The following CALN1 variants were observed in gnomAD, a reference collection of about 807,000 sequenced individuals.
The protein encoded by CALN1 is calneuron 1.
CALN1 carries 17 observed loss-of-function variants against 30.6 expected under a neutral mutation model. That is an observed-to-expected ratio of 0.56 (90% CI 0.38 to 0.83). The LOEUF (loss-of-function observed/expected upper bound fraction) is 0.83. Among genes scored for constraint, CALN1 ranks in the 40% least tolerant of loss-of-function variants. The pLI is 0.00. For missense variants in CALN1, 291 were observed against 354.9 expected (o/e 0.82, Z 1.45); for synonymous variants, 156 against 131.4 (o/e 1.19, Z -1.28).
At chr7:72,449,764 A>G (rs1268093559), upstream of CALN1, among the ~76,000 whole-genome samples, 2 of 151,100 alleles carry the variant, frequency 1.3e-5, no homozygotes, top group East Asian at 3.9e-4. Flanking sequence ...AGTCCCAGCT[A>G]CTCAGGAGGC....
chr7:72,294,260 G>GT (rs1449566068), intron 2 of CALN1, among the ~76,000 whole-genome samples: 3 of 152,106 alleles, frequency 2.0e-5, no homozygotes, highest in Non-Finnish European at 2.9e-5. Context: ...AGGAAATATT[G>GT]TAAGTCAAAT....
chr7:71,784,642 C>T lies in CALN1; in HGVS notation c.*3133G>A, dbSNP rs111848282. The stretch of plus-strand genomic sequence containing the variant: ...TCATCACTTGTGCTTTCCAGGGGGG[C>T]GGCGGGGGGTACCTGCTCTTGCAGC... On this transcript the variant is annotated 3_prime_UTR_variant, in exon 7 of 7. Transcript: ENST00000395275. 6.2e-5 allele frequency: 24 copies of T among 388,410 alleles called. No homozygotes were observed. Among genetic ancestry groups the T allele is most frequent in the African/African-American group, 1.1e-4 (5 of 47,008 alleles). 24.1% of individuals were successfully genotyped at this position (388,410 alleles called of 1,614,324 possible).
chr7:72,377,581 CTTATT>C (rs1804646842), intron 2 of CALN1, among the ~76,000 whole-genome samples: 1 of 151,844 alleles, frequency 6.6e-6, no homozygotes, highest in Admixed American at 6.6e-5. Flanking sequence ...GTTGTTGATG[CTTATT>C]TTAGTTATTG....
At chr7:72,406,679 T>C (rs1174058181) in intron 1 of CALN1, among the ~76,000 whole-genome samples, 1 of 150,044 alleles carries the variant, frequency 6.7e-6, no homozygotes, top group Non-Finnish European at 1.5e-5. Context: ...TGCAGTAGCG[T>C]GATCCCTGCT....
chr7:72,487,855 A>G, the CALN1 span, among the ~76,000 whole-genome samples: 1 of 50,126 alleles, frequency 2.0e-5, no homozygotes, highest in African/African-American at 1.4e-4. Flanking sequence ...AAAAAGAAAG[A>G]GAAAGAAAGA....
intron 5 of CALN1, among the ~76,000 whole-genome samples, chr7:71,872,063 T>C (rs1012532094): frequency 6.6e-6 from 1 of 152,222 alleles, no homozygotes; most frequent in Non-Finnish European, 1.5e-5. Flanking sequence ...TTTTAATGAA[T>C]TTAAGTTCAG....
At chr7:72,256,990 A>G (rs1441180647) in intron 3 of CALN1, among the ~76,000 whole-genome samples, 4 of 152,184 alleles carry the variant, frequency 2.6e-5, no homozygotes, top group Non-Finnish European at 5.9e-5. Flanking sequence ...ACACTGCTAT[A>G]AAGACACTAC....
At chr7:72,168,862 G>A (rs1788731155) in intron 3 of CALN1, among the ~76,000 whole-genome samples, 1 of 147,766 alleles carries the variant, frequency 6.8e-6, no homozygotes, top group Non-Finnish European at 1.5e-5. Context: ...CTGGAGTGCA[G>A]TGATGACACT....
intron 3 of CALN1, among the ~76,000 whole-genome samples, chr7:72,151,640 C>A (rs1205289617): frequency 7.2e-5 from 11 of 152,136 alleles, no homozygotes; most frequent in South Asian, 2.1e-4. Context: ...AGCCAGGGAA[C>A]GTTCTGAATG....
At chr7:72,360,070 AAG>A (rs1803481548) in intron 2 of CALN1, among the ~76,000 whole-genome samples, 1 of 152,110 alleles carries the variant, frequency 6.6e-6, no homozygotes, top group Non-Finnish European at 1.5e-5. Context: ...TTACAGCTTA[AAG>A]ACCTGGCAGC....
intron 3 of CALN1, among the ~76,000 whole-genome samples, chr7:72,253,621 A>G (rs955459673): frequency 2.6e-5 from 4 of 152,252 alleles, no homozygotes; most frequent in African/African-American, 7.2e-5. Context: ...ACTCACTGTC[A>G]TAAGAACAGC....
At chr7:72,127,596 A>C (rs1378451728) in intron 3 of CALN1, among the ~76,000 whole-genome samples, 2 of 152,174 alleles carry the variant, frequency 1.3e-5, no homozygotes, top group Non-Finnish European at 2.9e-5. Context: ...AGGTACAGCC[A>C]GCAGGGTGTT....
intron 4 of CALN1, among the ~76,000 whole-genome samples, chr7:72,044,026 GT>G (rs1802300667): frequency 6.6e-6 from 1 of 151,984 alleles, no homozygotes; most frequent in Non-Finnish European, 1.5e-5. Flanking sequence ...GCATAGGAAA[GT>G]CCCCCCACCC....
intron 1 of CALN1, among the ~76,000 whole-genome samples, chr7:72,432,516 C>T (rs142198221): frequency 1.7e-3 from 256 of 152,216 alleles, no homozygotes; most frequent in African/African-American, 5.9e-3. Flanking sequence ...GGACTGTTTC[C>T]CTCTCTGTGT....
intron 5 of CALN1, among the ~76,000 whole-genome samples, chr7:71,967,137 A>G (rs1185959478): frequency 6.6e-6 from 1 of 152,192 alleles, no homozygotes; most frequent in South Asian, 2.1e-4. Context: ...TAAAACTATA[A>G]AATATACAGA....
intron 3 of CALN1, among the ~76,000 whole-genome samples, chr7:72,269,981 A>G (rs1205887174): frequency 1.3e-5 from 2 of 152,196 alleles, no homozygotes; most frequent in Non-Finnish European, 2.9e-5. Context: ...AGAGAATTAA[A>G]GAAAACTATT....
intron 3 of CALN1, among the ~76,000 whole-genome samples, chr7:72,153,013 C>T (rs896721320): frequency 6.6e-6 from 1 of 152,160 alleles, no homozygotes; most frequent in Non-Finnish European, 1.5e-5. Context: ...TCAAAGCAAC[C>T]ACTAGAACAG....
chr7:71,992,812 G>A (rs761000508), intron 5 of CALN1, among the ~76,000 whole-genome samples: 1 of 152,156 alleles, frequency 6.6e-6, no homozygotes, highest in Non-Finnish European at 1.5e-5. Context: ...CGTTACTTAA[G>A]GTTGACAGAC....
At chr7:71,982,405 G>T (rs1351704112) in intron 5 of CALN1, among the ~76,000 whole-genome samples, 1 of 152,164 alleles carries the variant, frequency 6.6e-6, no homozygotes, top group Admixed American at 6.6e-5. Flanking sequence ...GACCACCCTG[G>T]CCAACATGGC....
Sources: gnomAD v4.1 joint callset for allele counts (sites outside exome capture counted in the v4.1 genomes callset) on GRCh38, gnomAD v4.1.1 for gene constraint, MANE v1.5 for transcripts, NCBI Gene and HGNC (gene_info 2026-07-23, HGNC 2026-07-21) for gene names.